USH2A: variants seen among roughly 807,000 people sequenced by gnomAD.
USH2A encodes Usher syndrome 2A (autosomal recessive, mild).
USH2A carries 443 observed loss-of-function variants against 538.9 expected under a neutral mutation model. That is an observed-to-expected ratio of 0.82 (90% confidence interval 0.76 to 0.89). USH2A has a LOEUF of 0.89. Ranked by LOEUF, USH2A falls within the 40% of genes least tolerant of loss-of-function variation. USH2A has a pLI of 0.00. For synonymous variants in USH2A, 2,413 were observed against 2,273.5 expected (o/e 1.06, Z -1.75); for missense variants, 6,633 against 6,324.8 (o/e 1.05, Z -1.65).
chr1:216,122,924 T>C (rs1332193997), intron 21 of USH2A, among the ~76,000 whole-genome samples: 1 of 152,190 alleles, frequency 6.6e-6, no homozygotes, highest in East Asian at 1.9e-4. Context: ...ATAATAATCT[T>C]GAGTGTGAGA....
At chr1:216,073,770 C>A (rs2031652380) in intron 27 of USH2A, among the ~76,000 whole-genome samples, 1 of 152,202 alleles carries the variant, frequency 6.6e-6, no homozygotes, top group African/African-American at 2.4e-5. Flanking sequence ...ACACTCTGAG[C>A]ATTTTATGTA....
Position 215,782,216 on chromosome 1 carries a change from G to T in USH2A, c.10586-20C>A. The T allele has an allele frequency of 1.2e-6, 2 of 1,612,452 alleles. No homozygotes were observed. The highest frequency in any genetic ancestry group is 2.2e-5 in the South Asian group (2 of 90,964). ...TAGGACCTAAAAGAAGCAGAAAAAT[G>T]ACTGCATTTGAATGTGATATCATTT... On this transcript the variant is annotated intron_variant, in intron 53 of 71. Transcript: ENST00000307340.
intron 64 of USH2A, among the ~76,000 whole-genome samples, chr1:215,665,602 C>G (rs1657582414): frequency 6.6e-6 from 1 of 152,288 alleles, no homozygotes; most frequent in African/African-American, 2.4e-5. Flanking sequence ...ACCAAAATGT[C>G]TTAACAGAGT....
intron 37 of USH2A, among the ~76,000 whole-genome samples, chr1:215,958,172 A>G (rs1490207718): frequency 6.6e-6 from 1 of 152,154 alleles, no homozygotes; most frequent in Non-Finnish European, 1.5e-5. Context: ...AAAACACAGT[A>G]TATTCTGGGG....
chr1:215,852,054 C>A (rs191029502), intron 44 of USH2A, among the ~76,000 whole-genome samples: 2 of 152,232 alleles, frequency 1.3e-5, no homozygotes, highest in East Asian at 3.9e-4. Context: ...TAATAAAAGT[C>A]ATCTATGATA....
chr1:216,350,680 C>G (rs1446173331), intron 4 of USH2A, among the ~76,000 whole-genome samples: 2 of 152,032 alleles, frequency 1.3e-5, no homozygotes, highest in Non-Finnish European at 2.9e-5. Context: ...GAAGCTCTAC[C>G]CCTCTGACTT....
intron 64 of USH2A, among the ~76,000 whole-genome samples, chr1:215,667,559 G>C (rs111651413): frequency 6.6e-6 from 1 of 151,950 alleles, no homozygotes; most frequent in African/African-American, 2.4e-5. Flanking sequence ...AATTCGCCAC[G>C]CATGGTGGCG....
At chr1:215,971,407 A>G (rs1005844331) in intron 35 of USH2A, among the ~76,000 whole-genome samples, 1 of 152,162 alleles carries the variant, frequency 6.6e-6, no homozygotes, top group Non-Finnish European at 1.5e-5. Context: ...CAATCAAGAT[A>G]GAACAGGAAG....
In USH2A at chr1:215,793,469, T is replaced by C. The variant is rs959831982; in HGVS notation, c.9959-3187A>G. On this transcript the variant is annotated intron_variant, in intron 50 of 71. Transcript: ENST00000307340. ...AGAAATTCACACTTGTCTTCACCAG[T>C]AGATGGCTCTGTGACTACCACCACA... 3.3e-5 allele frequency among the ~76,000 whole-genome samples: 5 copies of C among 152,216 alleles called. No homozygotes were observed. The East Asian group carries it at 9.7e-4, about 30-fold the overall frequency.
At chr1:216,375,481 G>A (rs1469334545) in intron 3 of USH2A, among the ~76,000 whole-genome samples, 1 of 152,054 alleles carries the variant, frequency 6.6e-6, no homozygotes, top group African/African-American at 2.4e-5. Flanking sequence ...CTTTTCTTTT[G>A]TAGCTTGCTC....
At chr1:216,171,273 G>A (rs2034271473) in intron 21 of USH2A, among the ~76,000 whole-genome samples, 1 of 151,722 alleles carries the variant, frequency 6.6e-6, no homozygotes, top group Admixed American at 6.6e-5. Flanking sequence ...TCACAGAATT[G>A]GAATTTTAGA....
At chr1:215,999,159 T>C in intron 33 of USH2A, 101 bp from the exon 34 acceptor site, 1 of 1,017,156 alleles carries the variant, frequency 9.8e-7, no homozygotes. Flanking sequence ...TGACACTTTT[T>C]TAAAAAACAT....
intron 14 of USH2A, among the ~76,000 whole-genome samples, chr1:216,221,071 A>T (rs1183046670): frequency 6.6e-6 from 1 of 152,136 alleles, no homozygotes; most frequent in Non-Finnish European, 1.5e-5. Flanking sequence ...CACAGTAAGG[A>T]TTCAGTAAAT....
intron 26 of USH2A, 154 bp downstream of exon 26, chr1:216,083,302 C>T: frequency 1.4e-6 from 1 of 731,132 alleles, no homozygotes. Context: ...AAATGTTTCA[C>T]AGGACTTCAA....
chr1:216,316,143 G>A lies in USH2A; in HGVS notation c.1644+5740C>T, dbSNP rs549743931. ...GAGTTCCTGGTCAAAGAGTGCAGAG[G>A]AGAATCAGTGAGGCTCCCCAAGGTA... On this transcript the variant is annotated intron_variant, in intron 9 of 71. Transcript: ENST00000307340. 2.0e-5 allele frequency among the ~76,000 whole-genome samples: 3 copies of A among 152,134 alleles called. No homozygotes were observed. In the South Asian group the frequency reaches 6.2e-4, roughly 32 times the overall value.
At chr1:215,630,480 G>A (rs866533256) in intron 70 of USH2A, among the ~76,000 whole-genome samples, 13 of 105,914 alleles carry the variant, frequency 1.2e-4, no homozygotes, top group African/African-American at 4.5e-4. Flanking sequence ...GTATGTGTGT[G>A]TGTATATATA....
chr1:215,692,726 G>T (rs10864186), intron 61 of USH2A, among the ~76,000 whole-genome samples: 29,638 of 151,924 alleles, frequency 0.2, 3,188 homozygotes, highest in South Asian at 0.47. Flanking sequence ...GAGGAGCAGG[G>T]AAATTCTTTA....
chr1:215,866,580 A>G (rs1230773694), intron 44 of USH2A, among the ~76,000 whole-genome samples: 1 of 152,218 alleles, frequency 6.6e-6, no homozygotes, highest in South Asian at 2.1e-4. Flanking sequence ...ACGAGTTACA[A>G]GATATTAGGG....
At chr1:216,039,118 A>C (rs2030148281) in intron 32 of USH2A, among the ~76,000 whole-genome samples, 1 of 152,044 alleles carries the variant, frequency 6.6e-6, no homozygotes. Context: ...ACTGATATTC[A>C]AACATTCTGT....
Sources: gnomAD v4.1 joint callset for allele counts (sites outside exome capture counted in the v4.1 genomes callset) on GRCh38, gnomAD v4.1.1 for gene constraint, MANE v1.5 for transcripts, NCBI Gene and HGNC (gene_info 2026-07-23, HGNC 2026-07-21) for gene names.